PEAK1: variants seen among roughly 807,000 people sequenced by gnomAD.
PEAK1 encodes inactive tyrosine-protein kinase PEAK1.
A neutral mutation model predicts 124.7 loss-of-function variants in PEAK1; 54 were observed. The ratio of observed to expected loss-of-function variants is 0.43; its 90% CI spans 0.35 to 0.54. The LOEUF (loss-of-function observed/expected upper bound fraction) is 0.54, where lower values mean the gene tolerates loss of function less well. PEAK1 is among the 20% of genes least tolerant of loss of function. PEAK1 has a pLI of 0.01. For synonymous variants in PEAK1, 719 were observed against 760.0 expected (o/e 0.95, Z 0.89); for missense variants, 2,046 against 2,134.5 (o/e 0.96, Z 0.82).
chr15:77,336,021 C>T, intron 2 of PEAK1: 2 of 985,284 alleles, frequency 2.0e-6, no homozygotes, highest in Non-Finnish European at 2.4e-6. Flanking sequence ...ACCCAGGTAT[C>T]TCTGTGTCTT....
intron 2 of PEAK1, among the ~76,000 whole-genome samples, chr15:77,328,184 A>C: frequency 6.6e-6 from 1 of 152,144 alleles, no homozygotes; most frequent in East Asian, 1.9e-4. Flanking sequence ...TATGATCCTC[A>C]ATTTCCCCTT....
Position 77,388,832 on chromosome 15 carries a change from C to G in PEAK1, c.-665-23607G>C, listed in dbSNP as rs562052443. Among the ~76,000 whole-genome samples, 34 of 151,468 alleles carry G rather than the reference C, an allele frequency of 2.2e-4. 3 individuals carry two copies. In the South Asian group the frequency reaches 4.6e-3, roughly 20 times the overall value. ...AAAAAAAAAAAAATACTCCATCAAA[C>G]AGGCCTTATATGAATTGTTTACCAG... is the stretch of plus-strand genomic sequence containing the variant. On this transcript the variant is annotated intron_variant, in intron 1 of 9. Transcript: ENST00000682557.
intron 6 of PEAK1, among the ~76,000 whole-genome samples, chr15:77,237,553 T>C (rs1230891211): frequency 6.6e-6 from 1 of 152,084 alleles, no homozygotes; most frequent in Non-Finnish European, 1.5e-5. Flanking sequence ...TTTGTGACTG[T>C]TTCTTGTATA....
chr15:77,311,731 T>G (rs1310061289), intron 2 of PEAK1, among the ~76,000 whole-genome samples: 2 of 144,012 alleles, frequency 1.4e-5, no homozygotes, highest in Admixed American at 6.9e-5. Flanking sequence ...AAGGCAGAAG[T>G]TGTTAAACGT....
chr15:77,196,675 A>G (rs1222335115), intron 6 of PEAK1, among the ~76,000 whole-genome samples: 1 of 152,182 alleles, frequency 6.6e-6, no homozygotes, highest in East Asian at 1.9e-4. Flanking sequence ...TTTCCCCCAG[A>G]TAATAGCAAA....
At chr15:77,240,844 T>C (rs1648631975) in intron 6 of PEAK1, among the ~76,000 whole-genome samples, 1 of 152,114 alleles carries the variant, frequency 6.6e-6, no homozygotes, top group African/African-American at 2.4e-5. Context: ...AATAAGCACA[T>C]GGAAGAGTAT....
chr15:77,394,482 G>T (rs2070738782), intron 1 of PEAK1, among the ~76,000 whole-genome samples: 1 of 152,144 alleles, frequency 6.6e-6, no homozygotes, highest in East Asian at 1.9e-4. Flanking sequence ...AAGAGTCTTG[G>T]CCTAGTAACC....
At chr15:77,273,096 C>T (rs1201053048) in intron 5 of PEAK1, among the ~76,000 whole-genome samples, 3 of 151,896 alleles carry the variant, frequency 2.0e-5, no homozygotes, top group South Asian at 2.1e-4. Context: ...CAGCAAAATT[C>T]GTAAAGAAGG....
At chr15:77,226,048 T>TATATA (rs1222102808) in intron 6 of PEAK1, among the ~76,000 whole-genome samples, 2,776 of 44,890 alleles carry the variant, frequency 0.062, 140 homozygotes, top group Middle Eastern at 0.11. Context: ...TAAAGGGATA[T>TATATA]ATATATATAT....
intron 7 of PEAK1, chr15:77,178,080 C>T (rs1021138872): frequency 5.3e-5 from 8 of 152,012 alleles, no homozygotes; most frequent in African/African-American, 1.4e-4. Flanking sequence ...ATATACCTTG[C>T]ACAGAATAGG....
chr15:77,129,153 C>T (rs1433180307), intron 9 of PEAK1, among the ~76,000 whole-genome samples: 2 of 152,232 alleles, frequency 1.3e-5, no homozygotes, highest in African/African-American at 2.4e-5. Flanking sequence ...TCCTCTCTCC[C>T]TCACTCCTTG....
intron 2 of PEAK1, among the ~76,000 whole-genome samples, chr15:77,357,031 C>A (rs1426744703): frequency 6.6e-6 from 1 of 152,164 alleles, no homozygotes. Flanking sequence ...CTTTGGGAGG[C>A]TGAGGTGGAA....
At chr15:77,274,676 T>G (rs1488933246) in intron 5 of PEAK1, among the ~76,000 whole-genome samples, 3 of 151,924 alleles carry the variant, frequency 2.0e-5, no homozygotes. Context: ...GATGTTGGTG[T>G]GGATGTCATG....
chr15:77,199,799 AATGAAG>A (rs758253555), intron 6 of PEAK1, among the ~76,000 whole-genome samples: 45 of 152,310 alleles, frequency 3.0e-4, no homozygotes, highest in Non-Finnish European at 6.0e-4. Context: ...AGCGCCAGAC[AATGAAG>A]ATGAAGATGT....
At chr15:77,286,869 G>A (rs2062956813) in intron 2 of PEAK1, among the ~76,000 whole-genome samples, 1 of 152,032 alleles carries the variant, frequency 6.6e-6, no homozygotes. Context: ...AATACTTCTG[G>A]TTCCTACAGT....
intron 2 of PEAK1, among the ~76,000 whole-genome samples, chr15:77,307,416 T>A (rs2152997661): frequency 6.6e-6 from 1 of 152,256 alleles, no homozygotes; most frequent in African/African-American, 2.4e-5. Flanking sequence ...AGAGATCTAC[T>A]GTCGTAGATA....
At chr15:77,385,657 GAGA>G (rs1263024501) in intron 1 of PEAK1, among the ~76,000 whole-genome samples, 8 of 152,192 alleles carry the variant, frequency 5.3e-5, no homozygotes, top group Non-Finnish European at 1.5e-5. Context: ...TCAATCTGCA[GAGA>G]AGATGAACAA....
At chr15:77,282,682 CTT>C (rs2062733324) in intron 5 of PEAK1, among the ~76,000 whole-genome samples, 1 of 152,106 alleles carries the variant, frequency 6.6e-6, no homozygotes, top group Non-Finnish European at 1.5e-5. Flanking sequence ...AATGTCATAA[CTT>C]TTTTATGAAC....
rs72744513 is a variant in PEAK1, at chr15:77,393,295, C to T, written c.-666+26711G>A. The stretch of plus-strand genomic sequence containing the variant: ...CAACCTAGTGAGACACGAGCCAGGG[C>T]GACCAAGGCAGTGCTTGAACTCCAC... On this transcript the variant is annotated intron_variant, in intron 1 of 9. Coordinates refer to ENST00000682557, the MANE Select transcript of PEAK1 (RefSeq NM_001385026.1). Among the ~76,000 whole-genome samples, 937 of 152,278 alleles carry T rather than the reference C, an allele frequency of 6.2e-3. 4 individuals carry two copies. The highest frequency in any genetic ancestry group is 8.6e-3 in the Non-Finnish European group (582 of 68,028).
Sources: gnomAD v4.1 joint callset for allele counts (sites outside exome capture counted in the v4.1 genomes callset) on GRCh38, gnomAD v4.1.1 for gene constraint, MANE v1.5 for transcripts, NCBI Gene and HGNC (gene_info 2026-07-23, HGNC 2026-07-21) for gene names.